CDH20: variants seen among roughly 807,000 people sequenced by gnomAD.
The protein encoded by CDH20 is cadherin-20.
Under a neutral mutation model 74.2 loss-of-function variants are expected in CDH20, and 29 were observed. That is an observed-to-expected ratio of 0.39 (90% CI 0.29 to 0.53). The LOEUF (loss-of-function observed/expected upper bound fraction) is 0.53. Among genes scored for constraint, CDH20 ranks in the 20% least tolerant of loss-of-function variants. The pLI is 0.69. For missense variants in CDH20, 988 were observed against 1,048.3 expected (o/e 0.94, Z 0.79); for synonymous variants, 469 against 405.4 (o/e 1.16, Z -1.88).
chr18:61,348,244 G>A (rs1910195792), intron 1 of CDH20, among the ~76,000 whole-genome samples: 1 of 152,092 alleles, frequency 6.6e-6, no homozygotes, highest in African/African-American at 2.4e-5. Context: ...CCCACACCTT[G>A]AGGAAACTGT....
In CDH20 at chr18:61,344,042, T is replaced by C. The variant is rs75495906; in HGVS notation, c.-153+10215T>C. The stretch of plus-strand genomic sequence containing the variant: ...AGGTCCTCCAAGGTGCTTCCTAGCC[T>C]GTGGTGCATGTGAACTCTTTCTTAG... On this transcript the variant is annotated intron_variant, in intron 1 of 11. Transcript: ENST00000262717. 9.1e-3 allele frequency among the ~76,000 whole-genome samples: 1,378 copies of C among 152,264 alleles called. 20 individuals carry two copies. The highest frequency in any genetic ancestry group is 0.032 in the African/African-American group (1,321 of 41,544).
intron 1 of CDH20, among the ~76,000 whole-genome samples, chr18:61,455,397 A>T (rs1462943447): frequency 6.6e-6 from 1 of 152,240 alleles, no homozygotes; most frequent in African/African-American, 2.4e-5. Context: ...AAGACAAAAG[A>T]TTCCGGAGCC....
chr18:61,548,900 T>C (rs1004641471), intron 10 of CDH20, among the ~76,000 whole-genome samples: 4 of 152,204 alleles, frequency 2.6e-5, no homozygotes, highest in African/African-American at 9.6e-5. Flanking sequence ...ATGTCCAAAA[T>C]GGGAAGAAGA....
At chr18:61,382,452 C>A (rs62098072) in intron 1 of CDH20, among the ~76,000 whole-genome samples, 3,707 of 152,314 alleles carry the variant, frequency 0.024, 88 homozygotes, top group South Asian at 0.12. Flanking sequence ...CCTTAACCTT[C>A]CAGTGGTAGT....
At chr18:61,531,917 GAACT>G (rs1912658847) in intron 7 of CDH20, among the ~76,000 whole-genome samples, 1 of 152,188 alleles carries the variant, frequency 6.6e-6, no homozygotes, top group Non-Finnish European at 1.5e-5. Flanking sequence ...CAGCCATGCT[GAACT>G]GTGAGTCAAA....
intron 1 of CDH20, among the ~76,000 whole-genome samples, chr18:61,454,865 T>C (rs2059155455): frequency 6.6e-6 from 1 of 152,100 alleles, no homozygotes; most frequent in African/African-American, 2.4e-5. Context: ...GGTAAGGTGT[T>C]TATTGGGTAG....
intron 1 of CDH20, among the ~76,000 whole-genome samples, chr18:61,398,260 T>A (rs1349704148): frequency 6.6e-6 from 1 of 152,248 alleles, no homozygotes; most frequent in East Asian, 1.9e-4. Context: ...AATTTTATAG[T>A]TTTATCTGCT....
chr18:61,398,303 T>G (rs1912051233), intron 1 of CDH20, among the ~76,000 whole-genome samples: 1 of 152,246 alleles, frequency 6.6e-6, no homozygotes, highest in Admixed American at 6.5e-5. Context: ...CTAATCATCC[T>G]ATAAAAACTA....
At chr18:61,496,261 C>A (rs1911154853) in intron 2 of CDH20, among the ~76,000 whole-genome samples, 1 of 122,942 alleles carries the variant, frequency 8.1e-6, no homozygotes, top group Non-Finnish European at 1.7e-5. Context: ...CTTCTCCCTT[C>A]CTCTCCCTTC....
intron 1 of CDH20, among the ~76,000 whole-genome samples, chr18:61,443,727 T>C (rs1162422580): frequency 6.6e-6 from 1 of 152,186 alleles, no homozygotes; most frequent in African/African-American, 2.4e-5. Flanking sequence ...CTGATTTACA[T>C]TCTGGCATAA....
chr18:61,512,043 G>A (rs1391008358), intron 6 of CDH20, among the ~76,000 whole-genome samples: 1 of 152,160 alleles, frequency 6.6e-6, no homozygotes, highest in Non-Finnish European at 1.5e-5. Context: ...CATTAATAAT[G>A]TCATATAAAA....
At chr18:61,420,652 C>T (rs1347051614) in intron 1 of CDH20, among the ~76,000 whole-genome samples, 5 of 152,144 alleles carry the variant, frequency 3.3e-5, no homozygotes, top group Non-Finnish European at 1.5e-5. Context: ...CAGTGGTACA[C>T]AGGACAGAAT....
At chr18:61,522,387 T>G (rs1472386454) in intron 6 of CDH20, among the ~76,000 whole-genome samples, 2 of 152,152 alleles carry the variant, frequency 1.3e-5, no homozygotes, top group East Asian at 3.9e-4. Flanking sequence ...CAAGGAGAAC[T>G]GCAAACCACT....
At chr18:61,395,596 T>C (rs1911937025) in intron 1 of CDH20, among the ~76,000 whole-genome samples, 1 of 152,188 alleles carries the variant, frequency 6.6e-6, no homozygotes, top group Non-Finnish European at 1.5e-5. Context: ...CCAAAATCTG[T>C]ATTACCTCCA....
At chr18:61,524,908 G>T (rs1215358027) in intron 6 of CDH20, among the ~76,000 whole-genome samples, 1 of 151,678 alleles carries the variant, frequency 6.6e-6, no homozygotes, top group South Asian at 2.1e-4. Flanking sequence ...GTAACAGAGT[G>T]AGACGCTGTC....
At chr18:61,380,420 C>A (rs1202159341) in intron 1 of CDH20, among the ~76,000 whole-genome samples, 2 of 152,090 alleles carry the variant, frequency 1.3e-5, no homozygotes, top group African/African-American at 4.8e-5. Context: ...AAACAGAGGA[C>A]AAAGTATGGG....
At chr18:61,452,885 A>T (rs1909441586) in intron 1 of CDH20, among the ~76,000 whole-genome samples, 1 of 152,276 alleles carries the variant, frequency 6.6e-6, no homozygotes, top group Non-Finnish European at 1.5e-5. Context: ...TGATCATTTT[A>T]AAAAATTCAA....
At chr18:61,510,980 C>CTT (rs112741210) in intron 6 of CDH20, among the ~76,000 whole-genome samples, 61,820 of 135,942 alleles carry the variant, frequency 0.45, 13,836 homozygotes, top group East Asian at 0.69. Context: ...TTCTTTCTTT[C>CTT]TTTTTTTTTT....
chr18:61,547,464 T>C (rs758534932), intron 10 of CDH20, among the ~76,000 whole-genome samples: 42 of 152,310 alleles, frequency 2.8e-4, no homozygotes, highest in Non-Finnish European at 5.0e-4. Context: ...TTTTTTTACT[T>C]TTCAGCCCCA....
Sources: allele counts gnomAD v4.1 joint callset (sites outside exome capture counted in the v4.1 genomes callset), GRCh38; gene constraint gnomAD v4.1.1; transcripts MANE v1.5; gene names NCBI Gene and HGNC (gene_info 2026-07-23, HGNC 2026-07-21).